The following BRD4 variants were observed in gnomAD, a reference collection of about 807,000 sequenced individuals.
The protein encoded by BRD4 is bromodomain containing 4, also known as bromodomain-containing protein 4.
Under a neutral mutation model 142.1 loss-of-function variants are expected in BRD4, and 16 were observed. The ratio of observed to expected loss-of-function variants is 0.11; its 90% CI spans 0.08 to 0.17. The LOEUF is 0.17. BRD4 is among the 10% of genes least tolerant of loss of function. BRD4 has a pLI of 1.00. For missense variants in BRD4, 1,424 were observed against 1,810.9 expected (o/e 0.79, Z 3.88); for synonymous variants, 833 against 707.5 (o/e 1.18, Z -2.82).
At chr19:15,272,535 G>C (rs928777012) in intron 2 of BRD4, among the ~76,000 whole-genome samples, 1 of 152,250 alleles carries the variant, frequency 6.6e-6, no homozygotes, top group Admixed American at 6.5e-5. Context: ...ACTGGAAGTA[G>C]ATCTGTGGGC....
chr19:15,242,545 T>TGC (rs1179494389), intron 14 of BRD4, among the ~76,000 whole-genome samples: 1 of 152,120 alleles, frequency 6.6e-6, no homozygotes, highest in Non-Finnish European at 1.5e-5. Flanking sequence ...GCTACCTGTC[T>TGC]GCGATCACTG....
intron 1 of BRD4, among the ~76,000 whole-genome samples, chr19:15,328,303 T>A (rs2048127134): frequency 6.6e-6 from 1 of 152,208 alleles, no homozygotes; most frequent in South Asian, 2.1e-4. Context: ...AACAGGTTTT[T>A]ATTGACAACA....
Position 15,255,668 on chromosome 19 carries a change from GT to G in BRD4, c.1752-77del, listed in dbSNP as rs1345351037. Reference sequence around the variant, plus strand: ...CAGGCACTCATTCCTCCACATGTATGTTGGGGGGAAGGGGTGCCCTTCCCAT... The same window carrying G: ...CAGGCACTCATTCCTCCACATGTATGTGGGGGGAAGGGGTGCCCTTCCCAT... On this transcript the variant is annotated intron_variant, in intron 9 of 19. Transcript: ENST00000679869. 415 of 1,505,408 alleles carry G rather than the reference GT, an allele frequency of 2.8e-4. 2 individuals carry two copies. Among genetic ancestry groups the G allele is most frequent in the Non-Finnish European group, 5.1e-5 (57 of 1,124,724 alleles). The allele number at this position is 1,505,408 out of a possible 1,614,324, so 93.3% of individuals were successfully genotyped here.
chr19:15,275,162 A>G (rs2047633146), intron 1 of BRD4, among the ~76,000 whole-genome samples: 2 of 152,156 alleles, frequency 1.3e-5, no homozygotes, highest in Non-Finnish European at 1.5e-5. Context: ...CCCGGACAGA[A>G]GCTGAATTTT....
intron 1 of BRD4, among the ~76,000 whole-genome samples, chr19:15,308,659 A>C (rs933637243): frequency 1.1e-4 from 17 of 151,992 alleles, no homozygotes. Flanking sequence ...ATTTGTAAGA[A>C]AAAAATTGAG....
At position 15,255,580 on chromosome 19, in the gene BRD4, T is replaced by C. The variant is rs1211370037; in HGVS notation, c.1764A>G (p.Pro588=). The change falls in exon 10 of 20, where the codon CCA becomes CCG. Residue 588 remains proline (P), a synonymous_variant. Coordinates refer to ENST00000679869, the MANE Select transcript of BRD4 (RefSeq NM_001379291.1). ...GAGGGGGCTTGCTCTTCATGGGCGCTGGCTCCTTCTTGCTACGAAGGGACG... is the reference window on the plus strand; with the variant it reads ...GAGGGGGCTTGCTCTTCATGGGCGCCGGCTCCTTCTTGCTACGAAGGGACG... The part of the protein sequence containing the change: ...SSNSNVSKKE[P]APMKSKPPPT... 8.1e-6 allele frequency: 13 copies of C among 1,604,106 alleles called. No homozygotes were observed. The highest frequency in any genetic ancestry group is 2.7e-5 in the African/African-American group (2 of 74,658).
At chr19:15,251,630 G>GC (rs140568514) in intron 11 of BRD4, among the ~76,000 whole-genome samples, 1,853 of 152,230 alleles carry the variant, frequency 0.012, 32 homozygotes, top group Admixed American at 0.018. Context: ...CGCCCCCTCT[G>GC]CCCCCCGCCC....
chr19:15,244,203 A>G (rs2047263877), intron 13 of BRD4, 28 bp downstream of exon 13: 1 of 1,541,874 alleles, frequency 6.5e-7, no homozygotes. Context: ...AGGGGTCTCA[A>G]CCCACACTGG....
intron 1 of BRD4, among the ~76,000 whole-genome samples, chr19:15,309,152 C>T (rs948894233): frequency 7.3e-5 from 11 of 151,326 alleles, no homozygotes; most frequent in East Asian, 1.9e-4. Context: ...GCTAACACGG[C>T]GAAACCCCAT....
At chr19:15,299,714 G>A (rs1374255893) in intron 1 of BRD4, among the ~76,000 whole-genome samples, 2 of 152,166 alleles carry the variant, frequency 1.3e-5, no homozygotes, top group Non-Finnish European at 2.9e-5. Context: ...ATGACGTTCT[G>A]TTTCCTTTTC....
chr19:15,324,081 A>G (rs1217484893), intron 1 of BRD4, among the ~76,000 whole-genome samples: 1 of 152,110 alleles, frequency 6.6e-6, no homozygotes, highest in African/African-American at 2.4e-5. Context: ...AGTGAACTCC[A>G]TGGTGTTCTC....
intron 7 of BRD4, among the ~76,000 whole-genome samples, chr19:15,259,916 T>C (rs1265293504): frequency 6.6e-6 from 1 of 152,138 alleles, no homozygotes. Context: ...AAGAGGACAG[T>C]AAAGCCCAAT....
intron 1 of BRD4, among the ~76,000 whole-genome samples, chr19:15,290,746 T>C (rs1358641646): frequency 6.6e-6 from 1 of 152,146 alleles, no homozygotes; most frequent in Non-Finnish European, 1.5e-5. Context: ...ATGTTTCCAG[T>C]GTGTTCCATC....
chr19:15,238,196 G>T lies in BRD4; in HGVS notation c.*181C>A. ...TGGCGGGACGTCTGTCCGACTGGCCGTAAGGCAGACAGGCTCTGCAATCCT... is the reference window on the plus strand; with the variant it reads ...TGGCGGGACGTCTGTCCGACTGGCCTTAAGGCAGACAGGCTCTGCAATCCT... On this transcript the variant is annotated 3_prime_UTR_variant, in exon 20 of 20. Transcript: ENST00000679869. The surrounding 1 kb of genome is among the most constrained non-coding windows in gnomAD (Gnocchi z 7.2). The T allele has an allele frequency of 1.0e-6, 1 of 989,808 alleles. No homozygotes were observed. The highest frequency in any genetic ancestry group is 1.5e-6 in the Non-Finnish European group (1 of 684,892). The allele number at this position is 989,808 out of a possible 1,614,324, so 61.3% of individuals were successfully genotyped here.
chr19:15,294,963 C>T (rs1599497250), intron 1 of BRD4, among the ~76,000 whole-genome samples: 1 of 152,182 alleles, frequency 6.6e-6, no homozygotes, highest in Non-Finnish European at 1.5e-5. Context: ...AACTACAGTT[C>T]AGCTATGAAT....
chr19:15,254,372 G>T, intron 10 of BRD4, 110 bp from the exon 11 acceptor site: 1 of 927,874 alleles, frequency 1.1e-6, no homozygotes, highest in Non-Finnish European at 1.7e-6. Flanking sequence ...AGGAGCCTGT[G>T]CACGGTGGGC....
chr19:15,302,884 T>A (rs1055893210), intron 1 of BRD4, among the ~76,000 whole-genome samples: 1 of 150,726 alleles, frequency 6.6e-6, no homozygotes, highest in Non-Finnish European at 1.5e-5. Context: ...GGCGGTCACC[T>A]GTAGTCCCAG....
chr19:15,284,568 G>A (rs1478062265), intron 1 of BRD4, among the ~76,000 whole-genome samples: 1 of 152,158 alleles, frequency 6.6e-6, no homozygotes, highest in African/African-American at 2.4e-5. Flanking sequence ...CCACCTTCCA[G>A]GCAACATTAA....
At position 15,269,158 on chromosome 19, in the gene BRD4, G is replaced by A. The variant is rs188739995; in HGVS notation, c.286-116C>T. On this transcript the variant is annotated intron_variant, in intron 2 of 19. Coordinates refer to ENST00000679869, the MANE Select transcript of BRD4 (RefSeq NM_001379291.1). ...CTGGCTGCTCCACAGGTAAATCCAC[G>A]GGAGCCACAGCTCCTACTGGCATCA... 3.6e-4 allele frequency: 414 copies of A among 1,149,702 alleles called. 3 individuals are homozygous for A. The East Asian group carries it at 8.3e-3, about 23-fold the overall frequency. The allele number at this position is 1,149,702 out of a possible 1,614,324, so 71.2% of individuals were successfully genotyped here.
Sources: allele counts gnomAD v4.1 joint callset (sites outside exome capture counted in the v4.1 genomes callset), GRCh38; gene constraint gnomAD v4.1.1; non-coding constraint Gnocchi (gnomAD v3.1); transcripts MANE v1.5; gene names NCBI Gene and HGNC (gene_info 2026-07-23, HGNC 2026-07-21).